UGT1A10: variants seen among roughly 807,000 people sequenced by gnomAD.
The protein encoded by UGT1A10 is UDP glucuronosyltransferase family 1 member A10.
A neutral mutation model predicts 45.8 loss-of-function variants in UGT1A10; 49 were observed. The ratio of observed to expected loss-of-function variants is 1.07; its 90% CI spans 0.85 to 1.36. The LOEUF (loss-of-function observed/expected upper bound fraction) is 1.36. UGT1A10 is among the 40% of genes most tolerant of loss of function. UGT1A10 has a pLI of 0.00. For missense variants in UGT1A10, 745 were observed against 668.6 expected (o/e 1.11, Z -1.26); for synonymous variants, 284 against 249.7 (o/e 1.14, Z -1.29).
At chr2:233,642,150 C>T (rs1433346687) in intron 1 of UGT1A10, among the ~76,000 whole-genome samples, 2 of 151,892 alleles carry the variant, frequency 1.3e-5, no homozygotes, top group Non-Finnish European at 1.5e-5. Context: ...TTAGATTTGC[C>T]CCTTTGAGGC....
chr2:233,681,811 A>T, intron 1 of UGT1A10: 2 of 1,488,256 alleles, frequency 1.3e-6, no homozygotes, highest in Non-Finnish European at 1.8e-6. Context: ...GTGAATGTGA[A>T]TTTTTTTTTA....
At chr2:233,711,503 TC>T (rs1193779053) in intron 1 of UGT1A10, among the ~76,000 whole-genome samples, 1 of 152,132 alleles carries the variant, frequency 6.6e-6, no homozygotes, top group Non-Finnish European at 1.5e-5. Flanking sequence ...AGAATCCCTT[TC>T]TAGCGCTCTG....
intron 1 of UGT1A10, chr2:233,690,926 C>G (rs990494432): frequency 9.8e-7 from 1 of 1,021,816 alleles, no homozygotes; most frequent in Non-Finnish European, 1.2e-6. Context: ...ATTTCTTCAG[C>G]TCCTTCCTCC....
At chr2:233,770,801 A>C (rs1025526475) in intron 4 of UGT1A10, 2 of 152,250 alleles carry the variant, frequency 1.3e-5, no homozygotes, top group African/African-American at 4.8e-5. Flanking sequence ...ATATGTTTAA[A>C]GACAGTGTAT....
At chr2:233,692,857 T>G (rs2075117463) in intron 1 of UGT1A10, 1 of 1,468,162 alleles carries the variant, frequency 6.8e-7, no homozygotes, top group South Asian at 1.5e-5. Context: ...ATTTGGGTTC[T>G]TACATATCAA....
intron 1 of UGT1A10, chr2:233,690,662 C>T: frequency 7.8e-7 from 1 of 1,274,312 alleles, no homozygotes. Context: ...CAGCACCAAC[C>T]AGGGCAGGCC....
intron 1 of UGT1A10, among the ~76,000 whole-genome samples, chr2:233,762,064 C>A (rs574389899): frequency 1.3e-5 from 2 of 152,174 alleles, no homozygotes; most frequent in South Asian, 4.2e-4. Flanking sequence ...CATAGCACAT[C>A]AAATATGGCA....
intron 1 of UGT1A10, among the ~76,000 whole-genome samples, chr2:233,751,914 C>A (rs1246513527): frequency 6.6e-6 from 1 of 152,060 alleles, no homozygotes; most frequent in Non-Finnish European, 1.5e-5. Context: ...CAGACTAATA[C>A]AAGATTGGTG....
At chr2:233,682,300 T>C (rs997680321) in intron 1 of UGT1A10, 32 of 1,614,098 alleles carry the variant, frequency 2.0e-5, no homozygotes, top group Non-Finnish European at 2.5e-5. Context: ...ACTTATTTTT[T>C]TCAAATTGCA....
At chr2:233,718,272 G>A (rs551154473) in intron 1 of UGT1A10, among the ~76,000 whole-genome samples, 19 of 152,280 alleles carry the variant, frequency 1.2e-4, no homozygotes, top group Admixed American at 2.6e-4. Context: ...TGTGAAAAAA[G>A]ACCAAAACCA....
At chr2:233,729,800 A>G (rs778424052) in intron 1 of UGT1A10, 13 of 1,613,840 alleles carry the variant, frequency 8.1e-6, no homozygotes, top group South Asian at 1.1e-5. Context: ...TACATTTGCC[A>G]TGCTTTTTCT....
intron 1 of UGT1A10, among the ~76,000 whole-genome samples, chr2:233,684,286 A>G (rs941615401): frequency 6.6e-6 from 1 of 152,226 alleles, no homozygotes; most frequent in South Asian, 2.1e-4. Flanking sequence ...CATGACTTTC[A>G]GCTCTTGGCA....
intron 1 of UGT1A10, among the ~76,000 whole-genome samples, chr2:233,761,874 G>A (rs569608885): frequency 2.0e-5 from 3 of 152,320 alleles, no homozygotes; most frequent in East Asian, 1.9e-4. Context: ...TTCAGAGAGC[G>A]TTCATTCACT....
chr2:233,724,022 GC>G (rs2077155325), intron 1 of UGT1A10, among the ~76,000 whole-genome samples: 1 of 80,608 alleles, frequency 1.2e-5, no homozygotes, highest in Non-Finnish European at 2.3e-5. Flanking sequence ...TGTCATCCTG[GC>G]CCGTTCTCAA....
chr2:233,757,806 A>G (rs1052183239), intron 1 of UGT1A10, among the ~76,000 whole-genome samples: 1 of 151,788 alleles, frequency 6.6e-6, no homozygotes, highest in Non-Finnish European at 1.5e-5. Context: ...AGGAGATGAA[A>G]GGAGCTGGTA....
At chr2:233,726,002 C>T (rs1052114071) in intron 1 of UGT1A10, among the ~76,000 whole-genome samples, 2 of 151,912 alleles carry the variant, frequency 1.3e-5, no homozygotes, top group African/African-American at 4.8e-5. Flanking sequence ...TGCATCTCTA[C>T]AAAAAATCAA....
chr2:233,729,228 G>C (rs752170717), intron 1 of UGT1A10: 18 of 1,614,046 alleles, frequency 1.1e-5, no homozygotes, highest in Non-Finnish European at 1.5e-5. Context: ...TGTTGGTGGT[G>C]CCCATTGATG....
At chr2:233,642,612 G>A (rs529231024) in intron 1 of UGT1A10, among the ~76,000 whole-genome samples, 9 of 152,282 alleles carry the variant, frequency 5.9e-5, no homozygotes, top group African/African-American at 2.2e-4. Flanking sequence ...GAAGAGTTAG[G>A]TGTTTATTGT....
chr2:233,684,782 C>G (rs2074700851), intron 1 of UGT1A10, among the ~76,000 whole-genome samples: 1 of 152,080 alleles, frequency 6.6e-6, no homozygotes, highest in Non-Finnish European at 1.5e-5. Flanking sequence ...TGCCCTTTGG[C>G]AAAGAGCCCT....
Sources: gnomAD v4.1 joint callset for allele counts (sites outside exome capture counted in the v4.1 genomes callset) on GRCh38, gnomAD v4.1.1 for gene constraint, MANE v1.5 for transcripts, NCBI Gene and HGNC (gene_info 2026-07-23, HGNC 2026-07-21) for gene names.